NOSTRIN: variants seen among roughly 807,000 people sequenced by gnomAD.
NOSTRIN encodes the protein BM247 homolog.
Under a neutral mutation model 59.0 loss-of-function variants are expected in NOSTRIN, and 63 were observed. That is an observed-to-expected ratio of 1.07 (90% confidence interval 0.87 to 1.32). The LOEUF is 1.32. NOSTRIN is among the 40% of genes most tolerant of loss of function. The pLI is 0.00. For missense variants in NOSTRIN, 512 were observed against 473.1 expected (o/e 1.08, Z -0.76); for synonymous variants, 200 against 165.4 (o/e 1.21, Z -1.61).
chr2:168,797,082 T>TTC (rs1358247206), upstream of NOSTRIN, among the ~76,000 whole-genome samples: 3 of 65,912 alleles, frequency 4.6e-5, no homozygotes, highest in East Asian at 3.0e-4. Context: ...CTTTTTTCTT[T>TTC]TTTTTTTTTT....
chr2:168,837,079 G>T (rs1011775416), intron 7 of NOSTRIN, among the ~76,000 whole-genome samples: 3 of 152,148 alleles, frequency 2.0e-5, no homozygotes, highest in African/African-American at 7.2e-5. Context: ...GCTCCCTGGG[G>T]CCTCTTCTAT....
chr2:168,834,595 G>A (rs1687612374), intron 7 of NOSTRIN, among the ~76,000 whole-genome samples: 1 of 150,410 alleles, frequency 6.6e-6, no homozygotes, highest in Non-Finnish European at 1.5e-5. Context: ...GGATCTCACT[G>A]TGCTGCCCAG....
At chr2:168,817,360 C>T in intron 2 of NOSTRIN, among the ~76,000 whole-genome samples, 1 of 152,218 alleles carries the variant, frequency 6.6e-6, no homozygotes, top group East Asian at 1.9e-4. Context: ...AACCTTATAG[C>T]TCAAGGGGTT....
chr2:168,834,260 C>T lies in NOSTRIN; in HGVS notation c.439C>T (p.His147Tyr), dbSNP rs1253024188. ...GAAATTAATGGTTAGTACCAAGAAA[C>T]ATGAAGCACTTTTCCAGCTTGTAGA... ...KKKLMVSTKKHEALFQLVESS... is the reference protein window; with the variant it reads ...KKKLMVSTKKYEALFQLVESS... Residue 147 changes from histidine (H) to tyrosine (Y), a missense_variant, in exon 7 of 16, where the codon CAT becomes TAT. Coordinates refer to ENST00000317647, the MANE Select transcript of NOSTRIN (RefSeq NM_001039724.4). 4.6e-6 allele frequency: 4 copies of T among 872,712 alleles called. No individual in the cohort carries two copies. The Admixed American group carries it at 5.1e-5, about 11-fold the overall frequency. 54.1% of individuals were successfully genotyped at this position (872,712 alleles called of 1,614,324 possible). A position where few individuals can be genotyped will look rare whatever the true frequency, so the allele number is the denominator to read the frequency against.
In NOSTRIN at chr2:168,812,532, C is replaced by T. The variant is rs115753610; in HGVS notation, c.113+880C>T. ...CAGAAACTTATTAATACATGCTATA[C>T]CCATCACATGGGAGAGGCCTTAGTT... On this transcript the variant is annotated intron_variant, in intron 2 of 15. Transcript: ENST00000317647. Among the ~76,000 whole-genome samples the T allele has an allele frequency of 4.9e-3, 752 of 152,200 alleles. 3 individuals are homozygous for T. Among genetic ancestry groups the T allele is most frequent in the African/African-American group, 0.017 (712 of 41,522 alleles).
intron 6 of NOSTRIN, among the ~76,000 whole-genome samples, chr2:168,832,435 C>T (rs1053764965): frequency 6.6e-6 from 1 of 152,142 alleles, no homozygotes; most frequent in African/African-American, 2.4e-5. Flanking sequence ...GACTTGTTCT[C>T]TAAGTGTTGA....
intron 8 of NOSTRIN, among the ~76,000 whole-genome samples, chr2:168,844,876 A>AC: frequency 4.5e-5 from 1 of 22,450 alleles, no homozygotes. Context: ...TCTCAAAAAG[A>AC]AAAAAAAAAA....
At position 168,851,682 on chromosome 2, in the gene NOSTRIN, A is replaced by C. The variant is rs544834251; in HGVS notation, c.855+278A>C. Among the ~76,000 whole-genome samples the C allele has an allele frequency of 1.8e-4, 27 of 152,366 alleles. No individual in the cohort carries two copies. In the South Asian group the frequency reaches 5.4e-3, roughly 30 times the overall value. On this transcript the variant is annotated intron_variant, in intron 10 of 15. Coordinates refer to ENST00000317647, the MANE Select transcript of NOSTRIN (RefSeq NM_001039724.4). ...AGTAGTGCCAGGCAGACATGTTTCA[A>C]TGACCTATAATTAATCACTGTATAT...
chr2:168,819,115 G>A (rs764667471), intron 2 of NOSTRIN, among the ~76,000 whole-genome samples: 10 of 152,174 alleles, frequency 6.6e-5, no homozygotes, highest in South Asian at 6.2e-4. Flanking sequence ...CTATTTTAAT[G>A]AGGGAATGAA....
intron 15 of NOSTRIN, among the ~76,000 whole-genome samples, chr2:168,864,487 T>A (rs529105898): frequency 2.8e-4 from 27 of 97,782 alleles, no homozygotes; most frequent in African/African-American, 7.8e-4. Flanking sequence ...GGTTTCACCA[T>A]GTTGGTCAGG....
chr2:168,792,447 C>T (rs1271605438), intron 2 of NOSTRIN, among the ~76,000 whole-genome samples: 1 of 150,280 alleles, frequency 6.7e-6, no homozygotes, highest in East Asian at 1.9e-4. Flanking sequence ...ATAAAATTAT[C>T]TTTATTTTAT....
In NOSTRIN at chr2:168,864,997, A is replaced by C; in HGVS notation, c.*27A>C. On this transcript the variant is annotated 3_prime_UTR_variant, in exon 16 of 16. Transcript: ENST00000317647. ...ACAAGACTCTGAACATACTACCTTCACACTCGGTAATCAACAATACAGTGT... is the reference window on the plus strand; with the variant it reads ...ACAAGACTCTGAACATACTACCTTCCCACTCGGTAATCAACAATACAGTGT... The C allele has an allele frequency of 6.2e-7, 1 of 1,612,054 alleles. No homozygotes were observed. The highest frequency in any genetic ancestry group is 1.1e-5 in the South Asian group (1 of 90,940).
At chr2:168,813,921 A>G (rs1686275944) in intron 2 of NOSTRIN, among the ~76,000 whole-genome samples, 3 of 152,180 alleles carry the variant, frequency 2.0e-5, no homozygotes, top group Admixed American at 2.0e-4. Flanking sequence ...AGCCATTTTT[A>G]AAGTTGCTTT....
At chr2:168,839,904 T>TAAAAAAAA (rs1687966429) in intron 7 of NOSTRIN, among the ~76,000 whole-genome samples, 2 of 85,770 alleles carry the variant, frequency 2.3e-5, no homozygotes, top group Non-Finnish European at 4.0e-5. Context: ...AAAAAAAATA[T>TAAAAAAAA]ATATATATAT....
chr2:168,811,684 T>C (rs1320224207), intron 2 of NOSTRIN, 32 bp downstream of exon 2: 1 of 804,824 alleles, frequency 1.2e-6, no homozygotes, highest in South Asian at 1.5e-5. Context: ...TAAATGGTTC[T>C]TCCTCTTTAG....
In NOSTRIN at chr2:168,843,648, G is replaced by C. The variant is rs1037658979; in HGVS notation, c.630+531G>C. Among the ~76,000 whole-genome samples the C allele has an allele frequency of 5.3e-5, 8 of 152,174 alleles. No homozygotes were observed. The East Asian group carries it at 1.5e-3, about 29-fold the overall frequency. ...TATGTCAGCAAGCACATCACAAAAG[G>C]AGAAATCAAAATCATCGATAAGCCT... is the stretch of plus-strand genomic sequence containing the variant. On this transcript the variant is annotated intron_variant, in intron 8 of 15. Coordinates refer to ENST00000317647, the MANE Select transcript of NOSTRIN (RefSeq NM_001039724.4).
At chr2:168,854,950 G>A (rs746541239) in intron 10 of NOSTRIN, among the ~76,000 whole-genome samples, 2 of 152,112 alleles carry the variant, frequency 1.3e-5, no homozygotes, top group Non-Finnish European at 2.9e-5. Flanking sequence ...TTCCACTCCT[G>A]AGGCAGTCAT....
rs754683622 is a variant in NOSTRIN at position 168,861,985 on chromosome 2, C to G, written c.1320C>G (p.Ser440Arg). The change falls in exon 15 of 16, where the codon AGC (serine) becomes AGG (arginine). Residue 440 changes from serine (S) to arginine (R), a missense_variant. Physicochemically the swap from Ser to Arg is moderately radical, Grantham distance 110 (BLOSUM62 -1). Coordinates refer to ENST00000317647, the MANE Select transcript of NOSTRIN (RefSeq NM_001039724.4). ...CCCCTGGTGCAGCCCAGCTCAGCAGCAGACTTTGCAAGGCCTTGTATTCTT... is the reference window on the plus strand; with the variant it reads ...CCCCTGGTGCAGCCCAGCTCAGCAGGAGACTTTGCAAGGCCTTGTATTCTT... ...TPAPGAAQLS[S>R]RLCKALYSFQ... The G allele has an allele frequency of 1.8e-5, 29 of 1,614,190 alleles. No homozygotes were observed. In the South Asian group the frequency reaches 3.1e-4, roughly 17 times the overall value.
rs142878982 is a variant in NOSTRIN at position 168,804,707 on chromosome 2, G to T, written c.27+2034G>T. Reference sequence around the variant, plus strand: ...ATTAGCTTAGCTACTGTTCTTAACCGGGCCCACACCAATGTACCCATGTAT... The same window carrying T: ...ATTAGCTTAGCTACTGTTCTTAACCTGGCCCACACCAATGTACCCATGTAT... On this transcript the variant is annotated intron_variant, in intron 1 of 15. Transcript: ENST00000317647. 1.1e-4 allele frequency among the ~76,000 whole-genome samples: 17 copies of T among 152,112 alleles called. No individual in the cohort carries two copies. The East Asian group carries it at 2.5e-3, about 22-fold the overall frequency.
Sources: allele counts gnomAD v4.1 joint callset (sites outside exome capture counted in the v4.1 genomes callset), GRCh38; gene constraint gnomAD v4.1.1; transcripts MANE v1.5; gene names NCBI Gene and HGNC (gene_info 2026-07-23, HGNC 2026-07-21).